Variants in CDH8 observed in about 807,000 individuals in gnomAD.
CDH8 encodes the protein cadherin 8, also known as cadherin-8.
CDH8 carries 17 observed loss-of-function variants against 68.1 expected under a neutral mutation model. That is an observed-to-expected ratio of 0.25 (90% CI 0.17 to 0.37). The LOEUF (loss-of-function observed/expected upper bound fraction) is 0.37, where lower values mean the gene tolerates loss of function less well. CDH8 is among the 10% of genes least tolerant of loss of function. The probability of loss-of-function intolerance (pLI) is 1.00; values close to 1 mark genes in which losing one functional copy is unlikely to be tolerated. For synonymous variants in CDH8, 372 were observed against 365.1 expected, an observed-to-expected ratio of 1.02 and a Z score of -0.21; for missense variants, 763 against 999.3, an observed-to-expected ratio of 0.76 and a Z score of 3.19.
chr16:61,765,707 C>A (rs916387296), intron 8 of CDH8, among the ~76,000 whole-genome samples: 3 of 151,894 alleles, frequency 2.0e-5, no homozygotes, highest in Non-Finnish European at 2.9e-5. Context: ...CAACACAGTA[C>A]AATAATAGAC....
intron 10 of CDH8, among the ~76,000 whole-genome samples, chr16:61,694,822 C>T (rs1198383930): frequency 6.6e-6 from 1 of 152,072 alleles, no homozygotes; most frequent in Non-Finnish European, 1.5e-5. Context: ...CGCTCTGTCA[C>T]CCAGGCTGGA....
intron 2 of CDH8, among the ~76,000 whole-genome samples, chr16:61,946,243 T>C (rs555542169): frequency 1.1e-3 from 168 of 152,322 alleles, no homozygotes; most frequent in Non-Finnish European, 1.1e-3. Flanking sequence ...GTGGTTCTTT[T>C]GCTTTTTCTG....
intron 7 of CDH8, 126 bp downstream of exon 7, chr16:61,817,353 A>G: frequency 1.2e-6 from 1 of 860,238 alleles, no homozygotes; most frequent in Non-Finnish European, 1.9e-6. Flanking sequence ...GTATGTGCCA[A>G]CCAACATTAT....
rs1003169036 is a variant in CDH8 at position 61,649,662 on chromosome 16, T to A, written c.*3946A>T. 8 of 151,870 alleles carry A rather than the reference T, an allele frequency of 5.3e-5. No individual in the cohort carries two copies. The highest frequency in any genetic ancestry group is 5.3e-4 in the Admixed American group (8 of 15,188). 9.4% of individuals were successfully genotyped at this position (151,870 alleles called of 1,614,324 possible). ...CCCTGATCTCAGATGGAACTTTCAATCAAAAAGGCAATCAGAAGGTTATAC... is the reference window on the plus strand; with the variant it reads ...CCCTGATCTCAGATGGAACTTTCAAACAAAAAGGCAATCAGAAGGTTATAC... On this transcript the variant is annotated 3_prime_UTR_variant, in exon 12 of 12. Transcript: ENST00000577390.
At chr16:62,035,883 G>T (rs1902445276) in intron 1 of CDH8, among the ~76,000 whole-genome samples, 197 bp downstream of exon 1, 1 of 152,174 alleles carries the variant, frequency 6.6e-6, no homozygotes, top group Non-Finnish European at 1.5e-5. Context: ...ACCTTGAGGC[G>T]TACGTACGTT....
chr16:61,857,128 G>T lies in CDH8; in HGVS notation c.658C>A (p.Pro220Thr). 6.8e-6 allele frequency: 11 copies of T among 1,613,470 alleles called. No homozygotes were observed. Among genetic ancestry groups the T allele is most frequent in the Non-Finnish European group, 9.3e-6 (11 of 1,179,546 alleles). ...AATTTAGGCCACAAACCTGTTTCAG[G>T]CTCAATGGAAAAATAAGGCTGCCCT... ...LEGQPYFSIE[P>T]ETAIIKTALP... is the part of the protein sequence containing the mutation. Residue 220 changes from proline to threonine, a missense_variant, in exon 4 of 12, where the codon CCT becomes ACT. This residue lies in a region of CDH8 where 366 missense variants were observed against 563.1 expected (regional missense o/e 0.65). Coordinates refer to ENST00000577390, the MANE Select transcript of CDH8 (RefSeq NM_001796.5).
rs1178131791 is a variant in CDH8 at position 61,652,935 on chromosome 16, TC to T, written c.*672del. 4 of 1,527,726 alleles carry T rather than the reference TC, an allele frequency of 2.6e-6. No homozygotes were observed. Among genetic ancestry groups the T allele is most frequent in the African/African-American group, 2.7e-5 (2 of 72,822 alleles). The allele number at this position is 1,527,726 out of a possible 1,614,324, so 94.6% of individuals were successfully genotyped here. A position where few individuals can be genotyped will look rare whatever the true frequency, so the allele number is the denominator to read the frequency against. On this transcript the variant is annotated 3_prime_UTR_variant, in exon 12 of 12. Transcript: ENST00000577390. ...GCATGTTTGAATGGGATTTCTCTCC[TC>T]CCACCACTGAATTGGCAAGCCCCAC...
In CDH8 at chr16:61,919,131, A is replaced by C. The variant is rs1052105846; in HGVS notation, c.253-17658T>G. The stretch of plus-strand genomic sequence containing the variant: ...TGTCTGTTAGAAGGAAAACTAACAA[A>C]CAGAAAGGACATCCACACCGAAAAC... On this transcript the variant is annotated intron_variant, in intron 2 of 11. Transcript: ENST00000577390. Among the ~76,000 whole-genome samples, 4 of 145,596 alleles carry C rather than the reference A, an allele frequency of 2.7e-5. 1 individual carries two copies. The highest frequency in any genetic ancestry group is 6.0e-5 in the Non-Finnish European group (4 of 66,898).
intron 4 of CDH8, among the ~76,000 whole-genome samples, chr16:61,828,019 A>G (rs1336217850): frequency 6.6e-6 from 1 of 151,890 alleles, no homozygotes; most frequent in Non-Finnish European, 1.5e-5. Flanking sequence ...CTGCATTCCC[A>G]GACAGTTAAG....
At chr16:61,839,111 C>T (rs1233412414) in intron 4 of CDH8, among the ~76,000 whole-genome samples, 2 of 152,084 alleles carry the variant, frequency 1.3e-5, no homozygotes, top group African/African-American at 4.8e-5. Flanking sequence ...TGTCCATCCT[C>T]ACTGAAAAAA....
intron 8 of CDH8, among the ~76,000 whole-genome samples, chr16:61,762,135 C>T (rs1259667835): frequency 6.6e-6 from 1 of 152,180 alleles, no homozygotes; most frequent in African/African-American, 2.4e-5. Flanking sequence ...TGGACTTCCT[C>T]TGGGCATTGC....
Position 61,694,669 on chromosome 16 carries a change from A to T in CDH8, c.1654+19172T>A, listed in dbSNP as rs1190382353. Among the ~76,000 whole-genome samples, 5 of 152,158 alleles carry T rather than the reference A, an allele frequency of 3.3e-5. No individual in the cohort carries two copies. The East Asian group carries it at 9.6e-4, about 29-fold the overall frequency. On this transcript the variant is annotated intron_variant, in intron 10 of 11. Transcript: ENST00000577390. ...CTGATCCTGCCTCTGGTTCTGTTTC[A>T]ATCACAGAAGTTTTGTGTCTCTGTG...
At chr16:61,781,996 A>C (rs1477061486) in intron 8 of CDH8, among the ~76,000 whole-genome samples, 2 of 152,202 alleles carry the variant, frequency 1.3e-5, no homozygotes. Flanking sequence ...CCAGAGCCAG[A>C]GTTTGGCAGT....
intron 7 of CDH8, among the ~76,000 whole-genome samples, chr16:61,815,939 G>A (rs1032819670): frequency 1.4e-4 from 22 of 151,906 alleles, no homozygotes; most frequent in African/African-American, 4.8e-4. Context: ...TATATTTTCC[G>A]GAAATTAATG....
intron 8 of CDH8, among the ~76,000 whole-genome samples, chr16:61,752,105 T>C (rs1373545850): frequency 6.6e-6 from 1 of 152,104 alleles, no homozygotes; most frequent in African/African-American, 2.4e-5. Context: ...TAATATGGTA[T>C]GCTAGAAAGG....
chr16:61,933,995 T>C (rs1266856882), intron 2 of CDH8: 2 of 152,204 alleles, frequency 1.3e-5, no homozygotes, highest in South Asian at 2.1e-4. Context: ...TCAGAAATCA[T>C]CTGCTATATT....
chr16:61,880,690 CA>C (rs1427270259), intron 3 of CDH8, among the ~76,000 whole-genome samples: 3 of 152,146 alleles, frequency 2.0e-5, no homozygotes, highest in African/African-American at 7.2e-5. Flanking sequence ...ATGGAGATGC[CA>C]TGTTCAAAAC....
At chr16:61,859,228 A>C (rs2143016679) in intron 3 of CDH8, among the ~76,000 whole-genome samples, 1 of 152,346 alleles carries the variant, frequency 6.6e-6, no homozygotes, top group African/African-American at 2.4e-5. Flanking sequence ...TCAACTAGCT[A>C]GCAAAAATGA....
intron 8 of CDH8, among the ~76,000 whole-genome samples, chr16:61,736,644 G>T (rs1959695595): frequency 1.3e-5 from 2 of 152,048 alleles, no homozygotes; most frequent in African/African-American, 2.4e-5. Flanking sequence ...GAACAGACAT[G>T]ACTGAAATTA....
Sources: allele counts gnomAD v4.1 joint callset (sites outside exome capture counted in the v4.1 genomes callset), GRCh38; gene constraint gnomAD v4.1.1; regional missense constraint gnomAD v4.1.1; transcripts MANE v1.5; gene names NCBI Gene and HGNC (gene_info 2026-07-23, HGNC 2026-07-21).